The following NTM variants were observed in gnomAD, a reference collection of about 807,000 sequenced individuals.
The protein encoded by NTM is IgLON family member 2.
In NTM, 13 loss-of-function variants were observed where a neutral mutation model predicts 42.1. The ratio of observed to expected loss-of-function variants is 0.31; its 90% CI spans 0.20 to 0.49. NTM has a LOEUF of 0.49. Among genes scored for constraint, NTM ranks in the 20% least tolerant of loss-of-function variants. The probability of loss-of-function intolerance (pLI) is 0.99; values close to 1 mark genes in which losing one functional copy is unlikely to be tolerated. For missense variants in NTM, 373 were observed against 452.8 expected, an observed-to-expected ratio of 0.82 and a Z score of 1.60; for synonymous variants, 187 against 179.2, an observed-to-expected ratio of 1.04 and a Z score of -0.35.
chr11:131,881,506 A>C (rs1044373765), intron 1 of NTM, among the ~76,000 whole-genome samples: 1 of 150,526 alleles, frequency 6.6e-6, no homozygotes, highest in Non-Finnish European at 1.5e-5. Context: ...ACACACACAC[A>C]CACCCCCCAA....
intron 1 of NTM, among the ~76,000 whole-genome samples, chr11:131,379,086 C>T (rs1378621082): frequency 6.6e-6 from 1 of 152,182 alleles, no homozygotes; most frequent in Non-Finnish European, 1.5e-5. Context: ...CTCTGGGTAA[C>T]CCACACACCC....
chr11:131,857,344 T>C (rs2046205281), intron 1 of NTM, among the ~76,000 whole-genome samples: 1 of 152,202 alleles, frequency 6.6e-6, no homozygotes, highest in Non-Finnish European at 1.5e-5. Context: ...CATGGCTGTG[T>C]CCTTTCTCAC....
chr11:131,491,665 C>T (rs762440030), intron 1 of NTM, among the ~76,000 whole-genome samples: 1 of 152,058 alleles, frequency 6.6e-6, no homozygotes, highest in Non-Finnish European at 1.5e-5. Flanking sequence ...GAAGAAATCA[C>T]GTTCAGTGTA....
At chr11:131,657,319 T>G (rs1401175826) in intron 1 of NTM, among the ~76,000 whole-genome samples, 1 of 152,028 alleles carries the variant, frequency 6.6e-6, no homozygotes, top group Non-Finnish European at 1.5e-5. Flanking sequence ...AGTGGGGAAT[T>G]CCATGGCAGA....
intron 1 of NTM, among the ~76,000 whole-genome samples, chr11:131,680,682 CCTGTGT>C (rs2072440395): frequency 1.1e-3 from 2 of 1,782 alleles, no homozygotes; most frequent in African/African-American, 3.2e-3. Context: ...TGAGATCATG[CCTGTGT>C]CTGTGTCTGT....
At chr11:131,962,817 C>T (rs1020468405) in intron 2 of NTM, among the ~76,000 whole-genome samples, 2 of 152,174 alleles carry the variant, frequency 1.3e-5, no homozygotes, top group African/African-American at 4.8e-5. Context: ...ACATCCCTCC[C>T]TCCTTCCACC....
chr11:131,645,436 G>C (rs916708727), intron 1 of NTM, among the ~76,000 whole-genome samples: 1 of 152,226 alleles, frequency 6.6e-6, no homozygotes, highest in African/African-American at 2.4e-5. Context: ...GGAGTGAAAG[G>C]GCATTGCCTT....
chr11:131,527,685 C>A (rs1011720821), intron 1 of NTM, among the ~76,000 whole-genome samples: 4 of 152,190 alleles, frequency 2.6e-5, no homozygotes, highest in African/African-American at 9.7e-5. Context: ...CAGAGCCAAG[C>A]AACCATGGAT....
intron 2 of NTM, among the ~76,000 whole-genome samples, chr11:132,039,640 G>A (rs1325821333): frequency 6.6e-6 from 1 of 152,088 alleles, no homozygotes; most frequent in African/African-American, 2.4e-5. Flanking sequence ...AAGCAATTCA[G>A]GGACCAGATG....
intron 1 of NTM, among the ~76,000 whole-genome samples, chr11:131,485,074 G>A (rs1184074219): frequency 2.0e-5 from 3 of 152,242 alleles, no homozygotes; most frequent in African/African-American, 7.2e-5. Context: ...AGAGTCTGTA[G>A]TATTCAATGC....
chr11:132,065,734 C>T (rs1626583), intron 2 of NTM, among the ~76,000 whole-genome samples: 102,717 of 152,058 alleles, frequency 0.68, 36,151 homozygotes, highest in African/African-American at 0.85. Context: ...CTTTCTGTTA[C>T]TGGGTACTTG....
At chr11:132,184,580 G>A (rs547884933) in intron 3 of NTM, among the ~76,000 whole-genome samples, 1 of 152,192 alleles carries the variant, frequency 6.6e-6, no homozygotes. Flanking sequence ...GTAGTTAAAG[G>A]TGGTGAAACC....
At chr11:131,463,913 G>T (rs1951644395) in intron 1 of NTM, among the ~76,000 whole-genome samples, 2 of 152,234 alleles carry the variant, frequency 1.3e-5, no homozygotes, top group South Asian at 2.1e-4. Flanking sequence ...CCCAGAGATT[G>T]GTTTATCACC....
intron 1 of NTM, among the ~76,000 whole-genome samples, chr11:131,709,084 T>G (rs937295983): frequency 1.3e-5 from 2 of 152,180 alleles, no homozygotes; most frequent in African/African-American, 4.8e-5. Flanking sequence ...TTTGCAGATA[T>G]GAGCATTGCT....
At chr11:131,981,460 G>T (rs955072512) in intron 2 of NTM, 2 of 152,064 alleles carry the variant, frequency 1.3e-5, no homozygotes, top group African/African-American at 4.8e-5. Flanking sequence ...CAGGCACGTC[G>T]TCCTCAACTG....
intron 1 of NTM, among the ~76,000 whole-genome samples, chr11:131,852,366 C>T (rs1306080452): frequency 1.3e-5 from 2 of 152,308 alleles, no homozygotes; most frequent in Middle Eastern, 3.4e-3. Context: ...AACAGAGGCT[C>T]CCACACACTT....
At chr11:131,869,613 CATTTT>C (rs1383159703) in intron 1 of NTM, among the ~76,000 whole-genome samples, 5 of 152,198 alleles carry the variant, frequency 3.3e-5, no homozygotes, top group Non-Finnish European at 7.3e-5. Flanking sequence ...TTTATGCTCT[CATTTT>C]ATTTTATTCT....
intron 2 of NTM, among the ~76,000 whole-genome samples, chr11:132,004,641 CACACACACACACA>C (rs1250396321): frequency 5.9e-5 from 9 of 151,712 alleles, no homozygotes; most frequent in Admixed American, 1.3e-4. Context: ...CTCTCACACA[CACACACACACACA>C]ACACACACAC....
At chr11:131,387,249 C>T (rs1383020335) in intron 1 of NTM, among the ~76,000 whole-genome samples, 3 of 152,112 alleles carry the variant, frequency 2.0e-5, no homozygotes, top group Non-Finnish European at 4.4e-5. Flanking sequence ...CACAGGTACT[C>T]GTGACTGGAC....
Sources: allele counts gnomAD v4.1 joint callset (sites outside exome capture counted in the v4.1 genomes callset), GRCh38; gene constraint gnomAD v4.1.1; transcripts MANE v1.5; gene names NCBI Gene and HGNC (gene_info 2026-07-23, HGNC 2026-07-21).